Variants in TNRC6A observed in about 807,000 individuals in gnomAD.
The protein encoded by TNRC6A is trinucleotide repeat containing adaptor 6A, also known as trinucleotide repeat-containing gene 6A protein.
Under a neutral mutation model 221.2 loss-of-function variants are expected in TNRC6A, and 44 were observed. The ratio of observed to expected loss-of-function variants is 0.20; its 90% CI spans 0.16 to 0.26. TNRC6A has a LOEUF of 0.26. Among genes scored for constraint, TNRC6A ranks in the 10% least tolerant of loss-of-function variants. The pLI is 1.00. For missense variants in TNRC6A, 2,199 were observed against 2,404.4 expected (o/e 0.91, Z 1.79); for synonymous variants, 847 against 838.5 (o/e 1.01, Z -0.18).
rs368158086 is a variant in TNRC6A at position 24,809,485 on chromosome 16, C to G, written c.4672+4C>G. The G allele has an allele frequency of 1.6e-6, 2 of 1,246,480 alleles. No individual in the cohort carries two copies. The highest frequency in any genetic ancestry group is 1.7e-5 in the South Asian group (1 of 57,616). 77.2% of individuals were successfully genotyped at this position (1,246,480 alleles called of 1,614,324 possible). ...GATCAAAACTCCAGCAAACATGGTACAAAAGATACATCTTACCAAAAAAAA... is the reference window on the plus strand; with the variant it reads ...GATCAAAACTCCAGCAAACATGGTAGAAAAGATACATCTTACCAAAAAAAA... On this transcript the variant is annotated splice_donor_region_variant and intron_variant, in intron 18 of 24. Transcript: ENST00000395799.
At chr16:24,762,710 A>G (rs1222296884) in intron 4 of TNRC6A, among the ~76,000 whole-genome samples, 1 of 152,202 alleles carries the variant, frequency 6.6e-6, no homozygotes, top group Non-Finnish European at 1.5e-5. Context: ...TACAGGTGAA[A>G]TTAGGCTAGG....
At chr16:24,701,492 G>T (rs539981620) in intron 2 of TNRC6A, among the ~76,000 whole-genome samples, 1 of 151,504 alleles carries the variant, frequency 6.6e-6, no homozygotes, top group Non-Finnish European at 1.5e-5. Flanking sequence ...TCAGCCTCCC[G>T]AGTAGCTGGG....
intron 17 of TNRC6A, among the ~76,000 whole-genome samples, chr16:24,807,802 C>G (rs929352162): frequency 1.3e-5 from 2 of 152,048 alleles, no homozygotes; most frequent in Non-Finnish European, 2.9e-5. Context: ...TTTTTTCTCT[C>G]TCTTTTCCTA....
In TNRC6A at chr16:24,691,011, G is replaced by A. The variant is rs571850702; in HGVS notation, n.402+50002G>A. ...TTTTTGGTAGAGACGGGGTTTCACC[G>A]TGTTAGCCAGGATTCGTCTCGATCT... On this transcript the variant is annotated intron_variant and non_coding_transcript_variant, in intron 2 of 2. Transcript: ENST00000566108. Among the ~76,000 whole-genome samples the A allele has an allele frequency of 9.9e-5, 15 of 152,000 alleles. No individual in the cohort carries two copies. In the East Asian group the frequency reaches 2.5e-3, roughly 26 times the overall value.
At chr16:24,706,868 G>A (rs2056103749) in intron 2 of TNRC6A, among the ~76,000 whole-genome samples, 1 of 152,000 alleles carries the variant, frequency 6.6e-6, no homozygotes, top group Non-Finnish European at 1.5e-5. Flanking sequence ...ATTGCTGTTA[G>A]AGTAATTGGC....
intron 2 of TNRC6A, among the ~76,000 whole-genome samples, chr16:24,737,437 A>G (rs1423470315): frequency 6.6e-6 from 1 of 152,246 alleles, no homozygotes; most frequent in Non-Finnish European, 1.5e-5. Flanking sequence ...AATGATTTGC[A>G]TACTCTGTGT....
In TNRC6A at chr16:24,640,543, C is replaced by T. The variant is rs530699490; in HGVS notation, n.277-341C>T. 7.3e-5 allele frequency among the ~76,000 whole-genome samples: 11 copies of T among 151,506 alleles called. No homozygotes were observed. In the South Asian group the frequency reaches 2.1e-3, roughly 29 times the overall value. On this transcript the variant is annotated intron_variant and non_coding_transcript_variant, in intron 1 of 2. Transcript: ENST00000566108. ...AGGAGTTCGAGACCAGCCTGGGCAA[C>T]ATGGCAAAGCCCCATCTCTACCAAA...
chr16:24,673,064 G>A (rs1282757665), intron 2 of TNRC6A, among the ~76,000 whole-genome samples: 1 of 151,956 alleles, frequency 6.6e-6, no homozygotes, highest in African/African-American at 2.4e-5. Flanking sequence ...ACTTAGCCAG[G>A]TGTGATGGCA....
chr16:24,687,703 C>T (rs903098045), intron 2 of TNRC6A, among the ~76,000 whole-genome samples: 11 of 151,974 alleles, frequency 7.2e-5, no homozygotes, highest in Non-Finnish European at 1.6e-4. Flanking sequence ...GGGGCTGAGG[C>T]AGGAAGATCA....
intron 4 of TNRC6A, among the ~76,000 whole-genome samples, chr16:24,769,685 A>C (rs1386847381): frequency 1.3e-5 from 2 of 152,114 alleles, no homozygotes; most frequent in Admixed American, 1.3e-4. Context: ...GCAGAGATTT[A>C]TTTAAAACTA....
At chr16:24,753,282 C>T (rs2057177009) in intron 3 of TNRC6A, among the ~76,000 whole-genome samples, 1 of 152,200 alleles carries the variant, frequency 6.6e-6, no homozygotes, top group Admixed American at 6.5e-5. Flanking sequence ...GAACCATCAT[C>T]AGAAGCTTAG....
At chr16:24,805,206 A>G (rs2058406054) in intron 14 of TNRC6A, 55 bp downstream of exon 14, 2 of 1,596,646 alleles carry the variant, frequency 1.3e-6, no homozygotes, top group Non-Finnish European at 1.7e-6. Context: ...ATCTTGCATG[A>G]TTTTGTATTT....
chr16:24,823,661 G>A lies in TNRC6A; in HGVS notation c.5743G>A (p.Gly1915Ser), dbSNP rs150714754. 1.5e-4 allele frequency: 244 copies of A among 1,612,434 alleles called. 4 individuals are homozygous for A. The Middle Eastern group carries it at 2.6e-3, about 17-fold the overall frequency. The stretch of plus-strand genomic sequence containing the variant: ...GGGAACTAACTGTGGAGACCTTCAC[G>A]GCACTTCACTCTGGGGGACCCCGCA... The part of the protein sequence containing the change: ...LSGTNCGDLH[G>S]TSLWGTPHYS... Residue 1915 changes from glycine to serine, a missense_variant, in exon 25 of 25, where the codon GGC becomes AGC. Around this residue, in one of 8 missense-constraint regions of TNRC6A, gnomAD observed 130 missense variants for 121.7 expected, o/e 1.07. Transcript: ENST00000395799. The surrounding 1 kb of genome is among the most constrained non-coding windows in gnomAD (Gnocchi z 4.3).
intron 2 of TNRC6A, chr16:24,641,116 G>A (rs1424600747): frequency 6.6e-6 from 1 of 152,270 alleles, no homozygotes; most frequent in East Asian, 1.9e-4. Flanking sequence ...ATTCTGACAA[G>A]TTGAACGGGG....
At chr16:24,694,555 T>C (rs1394235471) in intron 2 of TNRC6A, among the ~76,000 whole-genome samples, 1 of 147,050 alleles carries the variant, frequency 6.8e-6, no homozygotes, top group Non-Finnish European at 1.5e-5. Flanking sequence ...CTCAGGAGGC[T>C]GAGGCAGGAG....
chr16:24,807,658 T>G (rs1202340824), intron 17 of TNRC6A, among the ~76,000 whole-genome samples: 2 of 151,076 alleles, frequency 1.3e-5, no homozygotes, highest in African/African-American at 4.9e-5. Flanking sequence ...CTCTTTTTTC[T>G]CTGTTATCTC....
intron 2 of TNRC6A, among the ~76,000 whole-genome samples, chr16:24,652,047 A>G (rs1902699625): frequency 6.6e-6 from 1 of 152,014 alleles, no homozygotes; most frequent in African/African-American, 2.4e-5. Flanking sequence ...GAGGGAACTT[A>G]GATGAACTTG....
In TNRC6A at chr16:24,789,897, A is replaced by T. The variant is rs781209755; in HGVS notation, c.1255A>T (p.Thr419Ser). Residue 419 changes from threonine to serine, a missense_variant, in exon 6 of 25, where the codon ACC (threonine) becomes TCC (serine). Thr to Ser is a moderately conservative substitution (Grantham distance 58). Coordinates refer to ENST00000395799, the MANE Select transcript of TNRC6A (RefSeq NM_014494.4). ...SKVSGGSTHG[T>S]WGSLQETCES... ...AGTGAGTGGTGGTTCTACCCATGGT[A>T]CCTGGGGAAGCCTTCAGGAAACTTG... 10 of 1,613,948 alleles carry T rather than the reference A, an allele frequency of 6.2e-6. No homozygotes were observed. In the Admixed American group the frequency reaches 1.0e-4, roughly 16 times the overall value.
intron 2 of TNRC6A, among the ~76,000 whole-genome samples, chr16:24,669,078 G>T (rs774587417): frequency 1.1e-4 from 17 of 151,948 alleles, no homozygotes; most frequent in Non-Finnish European, 1.8e-4. Context: ...AATGAAAGGG[G>T]GATCAATTTA....
Sources: allele counts gnomAD v4.1 joint callset (sites outside exome capture counted in the v4.1 genomes callset), GRCh38; gene constraint gnomAD v4.1.1; regional missense constraint gnomAD v4.1.1; non-coding constraint Gnocchi (gnomAD v3.1); transcripts MANE v1.5; gene names NCBI Gene and HGNC (gene_info 2026-07-23, HGNC 2026-07-21).